Variants in PCDH10 observed in about 807,000 individuals in gnomAD.
PCDH10 encodes protocadherin 10, also known as protocadherin-10.
In PCDH10, 15 loss-of-function variants were observed where a neutral mutation model predicts 74.4. The ratio of observed to expected loss-of-function variants is 0.20; its 90% CI spans 0.13 to 0.31. The LOEUF (loss-of-function observed/expected upper bound fraction) is 0.31. Ranked by LOEUF, PCDH10 falls within the 10% of genes least tolerant of loss-of-function variation. PCDH10 has a pLI of 1.00. For synonymous variants in PCDH10, 619 were observed against 589.8 expected, an observed-to-expected ratio of 1.05 and a Z score of -0.72; for missense variants, 1,260 against 1,390.2, an observed-to-expected ratio of 0.91 and a Z score of 1.49.
chr4:133,168,266 A>G (rs1008324877), intron 4 of PCDH10, among the ~76,000 whole-genome samples: 3 of 151,410 alleles, frequency 2.0e-5, no homozygotes, highest in African/African-American at 4.8e-5. Flanking sequence ...GTTGTTTTAT[A>G]TATAAATATC....
chr4:133,172,786 C>A (rs1727226838), intron 4 of PCDH10, among the ~76,000 whole-genome samples: 2 of 151,918 alleles, frequency 1.3e-5, no homozygotes, highest in South Asian at 4.1e-4. Context: ...CTAATAAATA[C>A]CAGTGTGTGA....
chr4:133,196,613 T>C (rs1578580643), downstream of PCDH10, among the ~76,000 whole-genome samples: 1 of 152,218 alleles, frequency 6.6e-6, no homozygotes, highest in African/African-American at 2.4e-5. Flanking sequence ...AATTTGTTAG[T>C]CCTACAAAGG....
At chr4:133,170,502 G>A (rs1297127050) in intron 4 of PCDH10, among the ~76,000 whole-genome samples, 2 of 151,986 alleles carry the variant, frequency 1.3e-5, no homozygotes, top group Non-Finnish European at 2.9e-5. Flanking sequence ...ATCCCATATA[G>A]AATCATTAAA....
intron 3 of PCDH10, among the ~76,000 whole-genome samples, chr4:133,159,264 A>G (rs1026146650): frequency 6.6e-6 from 1 of 152,108 alleles, no homozygotes; most frequent in Non-Finnish European, 1.5e-5. Context: ...TTTGGTCTCA[A>G]TGGAAATATC....
downstream of PCDH10, among the ~76,000 whole-genome samples, chr4:133,198,940 A>C (rs2125876772): frequency 6.6e-6 from 1 of 152,164 alleles, no homozygotes; most frequent in South Asian, 2.1e-4. Context: ...AATAAAAGAT[A>C]AAAATAAATG....
intron 4 of PCDH10, among the ~76,000 whole-genome samples, 157 bp downstream of exon 4, chr4:133,163,439 T>G (rs1345580805): frequency 4.6e-5 from 7 of 152,126 alleles, no homozygotes; most frequent in African/African-American, 9.7e-5. Context: ...TATTCTTTAT[T>G]TAAAATAATA....
chr4:133,154,024 G>A, intron 1 of PCDH10: 1 of 367,534 alleles, frequency 2.7e-6, no homozygotes, highest in Non-Finnish European at 4.9e-6. Flanking sequence ...ATGAGCTCTA[G>A]CCATGAGGTC....
At chr4:133,154,805 A>G (rs755062916) in intron 2 of PCDH10, 112 bp from the exon 3 acceptor site, 36 of 721,122 alleles carry the variant, frequency 5.0e-5, no homozygotes, top group Non-Finnish European at 8.7e-5. Context: ...AACAAAGCCA[A>G]CTAAGAGGTC....
intron 4 of PCDH10, among the ~76,000 whole-genome samples, chr4:133,176,085 G>C (rs150520416): frequency 6.6e-6 from 1 of 152,142 alleles, no homozygotes; most frequent in East Asian, 1.9e-4. Flanking sequence ...TTACCATTTT[G>C]ACTTTATTAT....
rs927429999 is a variant in PCDH10 at position 133,194,621 on chromosome 4, C to A, written c.*4461C>A. On this transcript the variant is annotated 3_prime_UTR_variant, in exon 5 of 5. Transcript: ENST00000264360. The stretch of plus-strand genomic sequence containing the variant: ...CTAGGATACATATTATGCCATTTTT[C>A]CATGCATGGATCTTCCACTGACGCC... 6.6e-6 allele frequency: 1 copy of A among 151,782 alleles called. No individual in the cohort carries two copies. The highest frequency in any genetic ancestry group is 2.4e-5 in the African/African-American group (1 of 41,372). 9.4% of individuals were successfully genotyped at this position (151,782 alleles called of 1,614,324 possible). A position where few individuals can be genotyped will look rare whatever the true frequency, so the allele number is the denominator to read the frequency against.
chr4:133,163,803 G>A (rs2420154), intron 4 of PCDH10: 177,575 of 371,786 alleles, frequency 0.48, 43,061 homozygotes, highest in Admixed American at 0.57. Context: ...AAGCTAGAAC[G>A]AAAGATGAGA....
chr4:133,189,680 C>G (rs35386325), intron 4 of PCDH10, among the ~76,000 whole-genome samples: 3,800 of 151,988 alleles, frequency 0.025, 151 homozygotes, highest in East Asian at 0.17. Flanking sequence ...TAAACACTTT[C>G]TGGTACAGTT....
chr4:133,153,011 T>C (rs1395882782), intron 1 of PCDH10: 10 of 1,434,368 alleles, frequency 7.0e-6, no homozygotes, highest in African/African-American at 1.4e-5. Context: ...TTTGCCACCT[T>C]GGAGCTCCCT....
chr4:133,184,167 A>AT (rs1211359276), intron 4 of PCDH10, among the ~76,000 whole-genome samples: 2 of 152,114 alleles, frequency 1.3e-5, no homozygotes, highest in Non-Finnish European at 2.9e-5. Flanking sequence ...CATATAGTAC[A>AT]TATTATAATA....
chr4:133,195,100 A>G (rs1442803818), downstream of PCDH10, among the ~76,000 whole-genome samples: 1 of 152,124 alleles, frequency 6.6e-6, no homozygotes, highest in Non-Finnish European at 1.5e-5. Flanking sequence ...TATGGGTATC[A>G]TCTTCCAAGA....
rs535149144 is a variant in PCDH10, at chr4:133,160,089, T to C, written c.2798-2888T>C. Among the ~76,000 whole-genome samples the C allele has an allele frequency of 7.2e-5, 11 of 152,052 alleles. No homozygotes were observed. In the South Asian group the frequency reaches 2.3e-3, roughly 31 times the overall value. On this transcript the variant is annotated intron_variant, in intron 3 of 4. Coordinates refer to ENST00000264360, the MANE Select transcript of PCDH10 (RefSeq NM_032961.3). ...TATAACTACATAACAAATGAAAAAA[T>C]CAATTTTTAATTAATTTTTCTGTTA...
At position 133,193,629 on chromosome 4, in the gene PCDH10, G is replaced by A. The variant is rs563790077; in HGVS notation, c.*3469G>A. 18 of 151,688 alleles carry A rather than the reference G, an allele frequency of 1.2e-4. No homozygotes were observed. The East Asian group carries it at 2.3e-3, about 20-fold the overall frequency. The allele number at this position is 151,688 out of a possible 1,614,324, so 9.4% of individuals were successfully genotyped here. ...GCAGAGTGTGGCAAAAGTTCAGCAAGATCAAGAAAAGTATTTAAGTTATTG... is the reference window on the plus strand; with the variant it reads ...GCAGAGTGTGGCAAAAGTTCAGCAAAATCAAGAAAAGTATTTAAGTTATTG... On this transcript the variant is annotated 3_prime_UTR_variant, in exon 5 of 5. Transcript: ENST00000264360.
chr4:133,198,655 G>A (rs1209814961), downstream of PCDH10, among the ~76,000 whole-genome samples: 2 of 152,052 alleles, frequency 1.3e-5, no homozygotes, highest in African/African-American at 2.4e-5. Flanking sequence ...TTAGAAACCA[G>A]AATAGGGGAA....
Position 133,193,210 on chromosome 4 carries a change from C to G in PCDH10, c.*3050C>G, listed in dbSNP as rs1727718025. ...TGTGAACATAGTTTGGTGAAATCATCTTAAATCAAATTTAAATATCACATC... is the reference window on the plus strand; with the variant it reads ...TGTGAACATAGTTTGGTGAAATCATGTTAAATCAAATTTAAATATCACATC... On this transcript the variant is annotated 3_prime_UTR_variant, in exon 5 of 5. Coordinates refer to ENST00000264360, the MANE Select transcript of PCDH10 (RefSeq NM_032961.3). 6.6e-6 allele frequency: 1 copy of G among 151,572 alleles called. No individual in the cohort carries two copies. The highest frequency in any genetic ancestry group is 1.5e-5 in the Non-Finnish European group (1 of 67,642). 9.4% of individuals were successfully genotyped at this position (151,572 alleles called of 1,614,324 possible). A position where few individuals can be genotyped will look rare whatever the true frequency, so the allele number is the denominator to read the frequency against.
Sources: gnomAD v4.1 joint callset for allele counts (sites outside exome capture counted in the v4.1 genomes callset) on GRCh38, gnomAD v4.1.1 for gene constraint, MANE v1.5 for transcripts, NCBI Gene and HGNC (gene_info 2026-07-23, HGNC 2026-07-21) for gene names.